Variants in CFAP299 observed in about 807,000 individuals in gnomAD.
CFAP299 encodes cilia- and flagella-associated protein 299.
A neutral mutation model predicts 27.0 loss-of-function variants in CFAP299; 21 were observed. The observed-to-expected ratio is 0.78, with a 90% CI of 0.55 to 1.12. CFAP299 has a LOEUF of 1.12. CFAP299 is among the 50% of genes most tolerant of loss of function. The pLI, the probability that CFAP299 is intolerant of heterozygous loss-of-function variation, is 0.00. For missense variants in CFAP299, 310 were observed against 276.6 expected (o/e 1.12, Z -0.86); for synonymous variants, 104 against 98.1 (o/e 1.06, Z -0.36).
At chr4:80,704,901 AT>A (rs1361332591) in intron 3 of CFAP299, among the ~76,000 whole-genome samples, 3 of 151,756 alleles carry the variant, frequency 2.0e-5, no homozygotes, top group African/African-American at 7.2e-5. Flanking sequence ...TTAAATGGTA[AT>A]TTTTACCATT....
chr4:80,913,838 T>C (rs1479469574), intron 4 of CFAP299, among the ~76,000 whole-genome samples: 1 of 152,214 alleles, frequency 6.6e-6, no homozygotes, highest in African/African-American at 2.4e-5. Flanking sequence ...GTATGCCTTT[T>C]GGCCCTTTGT....
rs148547753 is a variant in CFAP299 at position 80,596,260 on chromosome 4, G to A, written c.333+13077G>A. Among the ~76,000 whole-genome samples the A allele has an allele frequency of 5.0e-3, 768 of 152,224 alleles. 5 individuals carry two copies. The highest frequency in any genetic ancestry group is 0.02 in the Middle Eastern group (6 of 294). On this transcript the variant is annotated intron_variant, in intron 3 of 5. Coordinates refer to ENST00000358105, the MANE Select transcript of CFAP299 (RefSeq NM_152770.3). ...CTCCTTTGAGCTTTTCTGACAGATG[G>A]CTATGCAGTCTTTGCTTAAATAGTT...
intron 3 of CFAP299, among the ~76,000 whole-genome samples, chr4:80,650,564 C>T (rs1469077708): frequency 1.3e-5 from 2 of 152,042 alleles, no homozygotes; most frequent in Non-Finnish European, 2.9e-5. Context: ...TCTAATGTAA[C>T]CATGGGGATG....
chr4:80,399,043 C>G (rs879297624), intron 2 of CFAP299, among the ~76,000 whole-genome samples: 2 of 72,864 alleles, frequency 2.7e-5, no homozygotes, highest in Non-Finnish European at 7.6e-5. Context: ...TATGAACAGA[C>G]ACTTCTCAAA....
chr4:80,374,276 G>A (rs1724294113), intron 2 of CFAP299, among the ~76,000 whole-genome samples: 1 of 152,104 alleles, frequency 6.6e-6, no homozygotes. Context: ...ACAAGTCCTA[G>A]GTCTTGTAGT....
intron 2 of CFAP299, among the ~76,000 whole-genome samples, chr4:80,399,299 T>C (rs1726003302): frequency 6.6e-6 from 1 of 152,162 alleles, no homozygotes; most frequent in African/African-American, 2.4e-5. Flanking sequence ...CTCAAGGATC[T>C]AGAACTAGAA....
At chr4:80,518,583 T>G (rs1295428595) in intron 2 of CFAP299, among the ~76,000 whole-genome samples, 1 of 152,130 alleles carries the variant, frequency 6.6e-6, no homozygotes, top group Non-Finnish European at 1.5e-5. Context: ...GCACATCGTT[T>G]TAAGAGGGCA....
intron 3 of CFAP299, among the ~76,000 whole-genome samples, chr4:80,784,595 G>A (rs192528550): frequency 1.3e-5 from 2 of 151,808 alleles, no homozygotes; most frequent in African/African-American, 4.8e-5. Flanking sequence ...TCGGCTCACC[G>A]CAACCTTGGC....
At chr4:80,652,710 T>A (rs999361861) in intron 3 of CFAP299, among the ~76,000 whole-genome samples, 9 of 152,264 alleles carry the variant, frequency 5.9e-5, no homozygotes, top group Admixed American at 3.9e-4. Flanking sequence ...GTTGACCAAC[T>A]ACACTTCTCA....
intron 3 of CFAP299, among the ~76,000 whole-genome samples, chr4:80,609,395 T>C (rs996960249): frequency 1.3e-5 from 2 of 152,072 alleles, no homozygotes; most frequent in African/African-American, 4.8e-5. Flanking sequence ...AACTATGCAG[T>C]GAGAGAAGGA....
chr4:80,521,162 T>C (rs759996254), intron 2 of CFAP299, among the ~76,000 whole-genome samples: 6 of 152,196 alleles, frequency 3.9e-5, no homozygotes, highest in Non-Finnish European at 8.8e-5. Flanking sequence ...ATGGAGATTA[T>C]AGGTCTTTTT....
At chr4:80,597,537 C>G (rs1737115890) in intron 3 of CFAP299, among the ~76,000 whole-genome samples, 1 of 152,110 alleles carries the variant, frequency 6.6e-6, no homozygotes, top group Admixed American at 6.6e-5. Flanking sequence ...TTAACGTGGT[C>G]CAATTTATTA....
At chr4:80,353,008 C>T (rs187510341) in intron 1 of CFAP299, among the ~76,000 whole-genome samples, 72 of 152,104 alleles carry the variant, frequency 4.7e-4, no homozygotes, top group Non-Finnish European at 8.5e-4. Flanking sequence ...CCTTAAGAAG[C>T]TTTAAAACAA....
rs191470048 is a variant in CFAP299 at position 80,763,442 on chromosome 4, A to G, written c.334-106551A>G. Among the ~76,000 whole-genome samples, 429 of 152,288 alleles carry G rather than the reference A, an allele frequency of 2.8e-3. 2 individuals are homozygous for G. Among genetic ancestry groups the G allele is most frequent in the Middle Eastern group, 0.027 (8 of 294 alleles). The stretch of plus-strand genomic sequence containing the variant: ...AAGGACAACTACAAACCACCTCCCA[A>G]GGAAATAAGAGAGGACATAAACAAA... On this transcript the variant is annotated intron_variant, in intron 3 of 5. Transcript: ENST00000358105.
chr4:80,760,626 AAAG>A (rs1408110805), intron 3 of CFAP299, among the ~76,000 whole-genome samples: 1 of 152,224 alleles, frequency 6.6e-6, no homozygotes, highest in Non-Finnish European at 1.5e-5. Flanking sequence ...TGCAATTATT[AAAG>A]AAGAAGTTAC....
chr4:80,518,329 A>G (rs1374913523), intron 2 of CFAP299, among the ~76,000 whole-genome samples: 3 of 152,118 alleles, frequency 2.0e-5, no homozygotes, highest in Non-Finnish European at 2.9e-5. Context: ...ATTAAAGATC[A>G]AGGGTTCCCA....
chr4:80,636,657 A>G (rs1477192338), intron 3 of CFAP299, among the ~76,000 whole-genome samples: 1 of 152,202 alleles, frequency 6.6e-6, no homozygotes, highest in Non-Finnish European at 1.5e-5. Context: ...TATGACTTGT[A>G]TAATACCTCT....
chr4:80,585,602 T>C (rs890541648), intron 3 of CFAP299, among the ~76,000 whole-genome samples: 53 of 152,162 alleles, frequency 3.5e-4, no homozygotes, highest in African/African-American at 1.3e-3. Flanking sequence ...GTTGCTGTGC[T>C]CAGTAGTGTG....
chr4:80,675,213 G>A (rs922669589), intron 3 of CFAP299, among the ~76,000 whole-genome samples: 2 of 152,148 alleles, frequency 1.3e-5, no homozygotes, highest in African/African-American at 4.8e-5. Flanking sequence ...TTTTGGTGTG[G>A]ATGTCCTTTT....
Sources: gnomAD v4.1 joint callset for allele counts (sites outside exome capture counted in the v4.1 genomes callset) on GRCh38, gnomAD v4.1.1 for gene constraint, MANE v1.5 for transcripts, NCBI Gene and HGNC (gene_info 2026-07-23, HGNC 2026-07-21) for gene names.